The following SDK1 variants were observed in gnomAD, a reference collection of about 807,000 sequenced individuals.
SDK1 encodes protein sidekick-1.
Under a neutral mutation model 245.5 loss-of-function variants are expected in SDK1, and 157 were observed. The ratio of observed to expected loss-of-function variants is 0.64; its 90% CI spans 0.56 to 0.73. The LOEUF is 0.73. SDK1 is among the 30% of genes least tolerant of loss of function. SDK1 has a pLI of 0.00. For synonymous variants in SDK1, 1,647 were observed against 1,278.5 expected (o/e 1.29, Z -6.15); for missense variants, 3,583 against 3,002.3 (o/e 1.19, Z -4.52).
At chr7:3,521,267 A>G (rs1458526693) in intron 1 of SDK1, among the ~76,000 whole-genome samples, 2 of 152,164 alleles carry the variant, frequency 1.3e-5, no homozygotes, top group African/African-American at 4.8e-5. Context: ...TTAAGAGATC[A>G]TGTGATTAGA....
intron 17 of SDK1, 95 bp from the exon 18 acceptor site, chr7:4,049,253 A>G: frequency 2.3e-6 from 2 of 854,072 alleles, no homozygotes; most frequent in Non-Finnish European, 3.8e-6. Flanking sequence ...ATTGCCTGTG[A>G]GCATGATGGC....
intron 1 of SDK1, among the ~76,000 whole-genome samples, chr7:3,501,730 T>C (rs1262098619): frequency 6.6e-6 from 1 of 152,234 alleles, no homozygotes; most frequent in Non-Finnish European, 1.5e-5. Context: ...AATGTTTTTA[T>C]TTTTTGTTGA....
At chr7:3,384,687 T>C (rs1371137800) in intron 1 of SDK1, among the ~76,000 whole-genome samples, 1 of 152,226 alleles carries the variant, frequency 6.6e-6, no homozygotes, top group African/African-American at 2.4e-5. Flanking sequence ...ATCGCGAATT[T>C]CCAGCATTCA....
At chr7:3,477,189 CTTTTTT>C (rs35328849) in intron 1 of SDK1, among the ~76,000 whole-genome samples, 9 of 78,642 alleles carry the variant, frequency 1.1e-4, no homozygotes, top group South Asian at 1.1e-3. Context: ...TGGTTTTCTC[CTTTTTT>C]TTTTTTTTTT....
chr7:3,543,025 G>A (rs1779101388), intron 1 of SDK1, among the ~76,000 whole-genome samples: 1 of 152,182 alleles, frequency 6.6e-6, no homozygotes, highest in Non-Finnish European at 1.5e-5. Context: ...GGTTGCATTT[G>A]TTGTTATTTT....
At chr7:4,085,381 T>C (rs1244063224) in intron 22 of SDK1, among the ~76,000 whole-genome samples, 8 of 152,190 alleles carry the variant, frequency 5.3e-5, no homozygotes, top group Non-Finnish European at 1.2e-4. Context: ...GTTTATAATA[T>C]ATTTAGTTTA....
chr7:3,960,099 C>G (rs1041606788), intron 8 of SDK1, among the ~76,000 whole-genome samples: 1 of 152,208 alleles, frequency 6.6e-6, no homozygotes, highest in Admixed American at 6.5e-5. Context: ...GTAAGAATGA[C>G]TACCAGTTTT....
rs77525128 is a variant in SDK1, at chr7:3,690,412, G to A, written c.713+48307G>A. ...AATTTACTTGAGACTTATTGTTAAT[G>A]TTCAGTGATAGTGGCAGGGATTTAT... On this transcript the variant is annotated intron_variant, in intron 4 of 44. Transcript: ENST00000404826. Among the ~76,000 whole-genome samples the A allele has an allele frequency of 2.9e-4, 44 of 152,194 alleles. 1 individual carries two copies. In the East Asian group the frequency reaches 5.2e-3, roughly 18 times the overall value.
At chr7:3,586,957 G>A (rs1013086917) in intron 1 of SDK1, among the ~76,000 whole-genome samples, 4 of 152,062 alleles carry the variant, frequency 2.6e-5, no homozygotes, top group African/African-American at 9.7e-5. Flanking sequence ...TGCATACAGA[G>A]TGAGCAGGCA....
intron 1 of SDK1, among the ~76,000 whole-genome samples, chr7:3,413,925 A>C (rs972321969): frequency 2.0e-5 from 3 of 152,146 alleles, no homozygotes; most frequent in Non-Finnish European, 2.9e-5. Flanking sequence ...GTGAGCAGTG[A>C]TTGCACCATT....
At chr7:4,064,490 C>G (rs1779743882) in intron 19 of SDK1, among the ~76,000 whole-genome samples, 1 of 152,064 alleles carries the variant, frequency 6.6e-6, no homozygotes. Context: ...AGTACAGCCA[C>G]AATGGAAAAC....
At chr7:3,778,760 G>C (rs989457111) in intron 4 of SDK1, among the ~76,000 whole-genome samples, 1 of 152,160 alleles carries the variant, frequency 6.6e-6, no homozygotes, top group Non-Finnish European at 1.5e-5. Context: ...AAAATGATGA[G>C]TTCATAATTA....
At chr7:4,021,154 G>C (rs73673248) in intron 17 of SDK1, among the ~76,000 whole-genome samples, 2 of 152,214 alleles carry the variant, frequency 1.3e-5, no homozygotes, top group African/African-American at 4.8e-5. Context: ...AAGATATCTG[G>C]TGTGTCATCA....
At chr7:3,915,501 G>A (rs564767257) in intron 5 of SDK1, among the ~76,000 whole-genome samples, 12 of 152,174 alleles carry the variant, frequency 7.9e-5, no homozygotes, top group Middle Eastern at 3.4e-3. Flanking sequence ...TTCCCCTTTC[G>A]CTTGGCCCTC....
At chr7:3,713,019 A>T (rs1201506935) in intron 4 of SDK1, among the ~76,000 whole-genome samples, 1 of 152,152 alleles carries the variant, frequency 6.6e-6, no homozygotes, top group Non-Finnish European at 1.5e-5. Context: ...TCTTAAGGGG[A>T]TGGGCACCAA....
At chr7:3,846,227 A>C (rs1419492731) in intron 5 of SDK1, among the ~76,000 whole-genome samples, 1 of 152,192 alleles carries the variant, frequency 6.6e-6, no homozygotes, top group Non-Finnish European at 1.5e-5. Flanking sequence ...GGCAAGGAAA[A>C]ATGTGCTGGC....
At chr7:3,764,688 TAAAA>T in intron 4 of SDK1, among the ~76,000 whole-genome samples, 1 of 150,358 alleles carries the variant, frequency 6.7e-6, no homozygotes, top group Non-Finnish European at 1.5e-5. Context: ...TCTCAAAAAA[TAAAA>T]AAATCTAAAA....
intron 34 of SDK1, among the ~76,000 whole-genome samples, chr7:4,177,953 G>A (rs761715205): frequency 4.0e-5 from 6 of 151,822 alleles, no homozygotes; most frequent in Non-Finnish European, 7.4e-5. Flanking sequence ...GTGCAAGAGA[G>A]CCAGGTTGTG....
At chr7:3,560,450 G>C (rs2128625921) in intron 1 of SDK1, among the ~76,000 whole-genome samples, 1 of 152,046 alleles carries the variant, frequency 6.6e-6, no homozygotes, top group Non-Finnish European at 1.5e-5. Context: ...CTTATATCCA[G>C]TGTGTTGGAT....
Sources: allele counts gnomAD v4.1 joint callset (sites outside exome capture counted in the v4.1 genomes callset), GRCh38; gene constraint gnomAD v4.1.1; transcripts MANE v1.5; gene names NCBI Gene and HGNC (gene_info 2026-07-23, HGNC 2026-07-21).